Variants in GID4 observed in about 807,000 individuals in gnomAD.
GID4 encodes the protein GID complex subunit 4 homolog.
In GID4, 7 loss-of-function variants were observed where a neutral mutation model predicts 32.4. The ratio of observed to expected loss-of-function variants is 0.22; its 90% CI spans 0.12 to 0.41. The LOEUF (loss-of-function observed/expected upper bound fraction) is 0.41, where lower values mean the gene tolerates loss of function less well. GID4 is among the 10% of genes least tolerant of loss of function. GID4 has a pLI of 1.00. For synonymous variants in GID4, 166 were observed against 170.0 expected (o/e 0.98, Z 0.18); for missense variants, 309 against 400.0 (o/e 0.77, Z 1.94).
chr17:18,059,539 T>C (rs548329042), intron 4 of GID4, among the ~76,000 whole-genome samples: 2 of 152,300 alleles, frequency 1.3e-5, no homozygotes, highest in East Asian at 3.9e-4. Flanking sequence ...GAGCCCCACC[T>C]GACTGACTTG....
At chr17:18,059,058 T>C (rs1010978385) in intron 4 of GID4, 89 bp downstream of exon 4, 6 of 728,896 alleles carry the variant, frequency 8.2e-6, no homozygotes, top group African/African-American at 5.3e-5. Flanking sequence ...GGGCTCCCCA[T>C]GTCCAGTGCT....
intron 4 of GID4, among the ~76,000 whole-genome samples, chr17:18,061,000 G>A (rs1366737056): frequency 3.9e-5 from 6 of 152,132 alleles, no homozygotes; most frequent in African/African-American, 1.2e-4. Context: ...CTCCCAAAGT[G>A]TTGGGATTGC....
intron 1 of GID4, among the ~76,000 whole-genome samples, chr17:18,044,902 A>AGGGTC (rs1285251684): frequency 6.6e-6 from 1 of 152,228 alleles, no homozygotes. Flanking sequence ...CATTTCAGAA[A>AGGGTC]GACACTTCAG....
At chr17:18,045,062 C>A in intron 1 of GID4, 85 bp from the exon 2 acceptor site, 2 of 1,026,090 alleles carry the variant, frequency 1.9e-6, no homozygotes, top group Non-Finnish European at 3.0e-6. Context: ...ACCAGTCTGG[C>A]CTCACAGGAT....
At chr17:18,058,081 C>T (rs2044986352) in intron 3 of GID4, among the ~76,000 whole-genome samples, 1 of 152,216 alleles carries the variant, frequency 6.6e-6, no homozygotes, top group South Asian at 2.1e-4. Context: ...GATCTGCCTG[C>T]CTTGGCCTCC....
At chr17:18,065,075 A>G in intron 5 of GID4, 105 bp from the exon 6 acceptor site, 1 of 785,756 alleles carries the variant, frequency 1.3e-6, no homozygotes, top group Non-Finnish European at 2.3e-6. Flanking sequence ...TTTCAGTCCA[A>G]GTATGTGACT....
intron 5 of GID4, among the ~76,000 whole-genome samples, chr17:18,062,795 G>T (rs1164409339): frequency 1.3e-5 from 2 of 152,108 alleles, no homozygotes; most frequent in Non-Finnish European, 2.9e-5. Context: ...ATAACAGCTG[G>T]CCGGGCACAG....
chr17:18,058,124 C>T (rs2044986874), intron 3 of GID4, among the ~76,000 whole-genome samples: 1 of 152,244 alleles, frequency 6.6e-6, no homozygotes, highest in South Asian at 2.1e-4. Context: ...TGAGCCCCCA[C>T]ACCCAGTGGA....
intron 2 of GID4, among the ~76,000 whole-genome samples, chr17:18,053,360 C>T (rs2044933185): frequency 6.6e-6 from 1 of 150,882 alleles, no homozygotes; most frequent in African/African-American, 2.4e-5. Flanking sequence ...CACCTGTAAT[C>T]CTCGCACTTT....
chr17:18,065,080 G>A (rs2045048497), intron 5 of GID4, 100 bp from the exon 6 acceptor site: 3 of 818,066 alleles, frequency 3.7e-6, no homozygotes, highest in African/African-American at 1.7e-5. Context: ...GTCCAAGTAT[G>A]TGACTTGTTG....
intron 2 of GID4, among the ~76,000 whole-genome samples, chr17:18,053,293 G>T (rs1265615084): frequency 6.7e-6 from 1 of 150,360 alleles, no homozygotes; most frequent in Admixed American, 6.6e-5. Flanking sequence ...GATTACAGGC[G>T]TGAGCCACCA....
chr17:18,061,839 G>T lies in GID4; in HGVS notation c.709-6G>T. 1.2e-6 allele frequency: 2 copies of T among 1,613,982 alleles called. No individual in the cohort carries two copies. Among genetic ancestry groups the T allele is most frequent in the Non-Finnish European group, 1.7e-6 (2 of 1,179,954 alleles). On this transcript the variant is annotated splice_polypyrimidine_tract_variant and splice_region_variant and intron_variant, in intron 4 of 5. Transcript: ENST00000268719. The surrounding 1 kb of genome is among the most constrained non-coding windows in gnomAD (Gnocchi z 4.4). ...TCTGTTACTGACCCTCTTCATCTGT[G>T]TGCAGGAACAGTTTCTGGTCCCAGA...
Position 18,039,801 on chromosome 17 carries a change from C to G in GID4, c.337C>G (p.Gln113Glu), listed in dbSNP as rs756907498. 1.9e-6 allele frequency: 3 copies of G among 1,576,496 alleles called. No homozygotes were observed. Among genetic ancestry groups the G allele is most frequent in the Non-Finnish European group, 2.6e-6 (3 of 1,162,764 alleles). Reference protein sequence around the residue: ...SLIPPPPINTQQPGVATSLLY... With the variant: ...SLIPPPPINTEQPGVATSLLY... ...CATCCCGCCGCCGCCCATCAACACC[C>G]AGCAGCCCGGCGTGGCCACCAGCCT... The change falls in exon 1 of 6, where the codon CAG becomes GAG. Residue 113 changes from glutamine (Q) to glutamate (E), a missense_variant. By Grantham distance (29) the Gln-to-Glu change is conservative. Coordinates refer to ENST00000268719, the MANE Select transcript of GID4 (RefSeq NM_024052.5). The surrounding 1 kb of genome is among the most constrained non-coding windows in gnomAD (Gnocchi z 5.3).
In GID4 at chr17:18,058,983, A is replaced by G. The variant is rs2044995215; in HGVS notation, c.708+14A>G. 1.3e-6 allele frequency: 2 copies of G among 1,525,690 alleles called. No homozygotes were observed. Among genetic ancestry groups the G allele is most frequent in the African/African-American group, 2.7e-5 (2 of 73,226 alleles). The allele number at this position is 1,525,690 out of a possible 1,614,324, so 94.5% of individuals were successfully genotyped here. A position where few individuals can be genotyped will look rare whatever the true frequency, so the allele number is the denominator to read the frequency against. Reference sequence around the variant, plus strand: ...ATGAGGTGGAAGGTAAGTTCCCACCAGGTGGCCCTCCAGACTCCCAGCAAG... The same window carrying G: ...ATGAGGTGGAAGGTAAGTTCCCACCGGGTGGCCCTCCAGACTCCCAGCAAG... On this transcript the variant is annotated intron_variant, in intron 4 of 5. Coordinates refer to ENST00000268719, the MANE Select transcript of GID4 (RefSeq NM_024052.5).
Position 18,065,167 on chromosome 17 carries a change from C to T in GID4, c.840-13C>T. The T allele has an allele frequency of 6.2e-7, 1 of 1,610,010 alleles. No individual in the cohort carries two copies. On this transcript the variant is annotated splice_polypyrimidine_tract_variant and intron_variant, in intron 5 of 5. Transcript: ENST00000268719. ...GATGACTACCTCCCGTTTCTGTCTC[C>T]TCCCCCTTGCAGGTATCAGTCCCTC... is the stretch of plus-strand genomic sequence containing the variant.
intron 5 of GID4, among the ~76,000 whole-genome samples, chr17:18,064,760 C>G (rs2045045921): frequency 1.3e-5 from 2 of 152,082 alleles, no homozygotes; most frequent in African/African-American, 2.4e-5. Context: ...TCTTTAGATA[C>G]CATGAGAATC....
intron 2 of GID4, among the ~76,000 whole-genome samples, chr17:18,051,869 T>C (rs879905779): frequency 2.0e-5 from 3 of 151,904 alleles, no homozygotes; most frequent in African/African-American, 4.8e-5. Context: ...GGTCAGGAGA[T>C]CAAGACCGTC....
intron 5 of GID4, among the ~76,000 whole-genome samples, chr17:18,064,448 A>G (rs1272375889): frequency 1.3e-5 from 2 of 152,160 alleles, no homozygotes; most frequent in African/African-American, 2.4e-5. Flanking sequence ...TGTTTTTGGT[A>G]AGAAATAAGC....
intron 5 of GID4, among the ~76,000 whole-genome samples, chr17:18,062,482 T>C (rs1442216814): frequency 6.6e-6 from 1 of 152,220 alleles, no homozygotes; most frequent in African/African-American, 2.4e-5. Flanking sequence ...GAACTCTGCC[T>C]GAATGCTAAC....
Sources: gnomAD v4.1 joint callset for allele counts (sites outside exome capture counted in the v4.1 genomes callset) on GRCh38, gnomAD v4.1.1 for gene constraint, Gnocchi (gnomAD v3.1) non-coding constraint, MANE v1.5 for transcripts, NCBI Gene and HGNC (gene_info 2026-07-23, HGNC 2026-07-21) for gene names.